Variants in MPPED1 observed in about 807,000 individuals in gnomAD.
MPPED1 encodes the protein metallophosphoesterase domain-containing protein 1.
MPPED1 carries 16 observed loss-of-function variants against 36.2 expected under a neutral mutation model. The observed-to-expected ratio is 0.44, with a 90% CI of 0.30 to 0.67. The LOEUF is 0.67. Among genes scored for constraint, MPPED1 ranks in the 30% least tolerant of loss-of-function variants. The pLI is 0.10. For synonymous variants in MPPED1, 199 were observed against 191.3 expected (o/e 1.04, Z -0.33); for missense variants, 307 against 453.4 (o/e 0.68, Z 2.93).
chr22:43,488,253 C>A (rs952593663), intron 4 of MPPED1, among the ~76,000 whole-genome samples: 6 of 151,644 alleles, frequency 4.0e-5, no homozygotes, highest in African/African-American at 1.4e-4. Flanking sequence ...CCAGGGCCCC[C>A]CAAGGCCCCA....
chr22:43,497,935 G>GTATGTA (rs1932480800), intron 4 of MPPED1, among the ~76,000 whole-genome samples: 1 of 128,364 alleles, frequency 7.8e-6, no homozygotes, highest in African/African-American at 3.5e-5. Context: ...ATATGTATAT[G>GTATGTA]TATATATATA....
At chr22:43,431,060 T>A (rs1204218142) in intron 2 of MPPED1, among the ~76,000 whole-genome samples, 13 of 90,064 alleles carry the variant, frequency 1.4e-4, no homozygotes, top group Non-Finnish European at 1.9e-4. Flanking sequence ...TTTTTTTTTT[T>A]AGACAGAGTC....
At chr22:43,458,984 T>C (rs1930851032) in intron 3 of MPPED1, among the ~76,000 whole-genome samples, 4 of 152,346 alleles carry the variant, frequency 2.6e-5, no homozygotes, top group South Asian at 2.1e-4. Context: ...GAGTTTATCA[T>C]GTTTGGAGTT....
chr22:43,499,672 G>T (rs1220901272), intron 5 of MPPED1, among the ~76,000 whole-genome samples: 6 of 74,162 alleles, frequency 8.1e-5, no homozygotes, highest in South Asian at 5.6e-4. Flanking sequence ...GCGGTGATGG[G>T]GGTGATGGTG....
intron 3 of MPPED1, among the ~76,000 whole-genome samples, chr22:43,468,271 A>G (rs2146877291): frequency 6.6e-6 from 1 of 152,312 alleles, no homozygotes; most frequent in South Asian, 2.1e-4. Flanking sequence ...GAGAATACAA[A>G]TGTGTAGCAT....
intron 3 of MPPED1, among the ~76,000 whole-genome samples, chr22:43,439,473 C>T (rs990132622): frequency 6.6e-6 from 1 of 152,268 alleles, no homozygotes; most frequent in African/African-American, 2.4e-5. Flanking sequence ...CTGGATGGAT[C>T]AGTCAGCAGT....
At chr22:43,417,945 G>A (rs934209184) in intron 1 of MPPED1, 18 of 428,432 alleles carry the variant, frequency 4.2e-5, no homozygotes, top group South Asian at 1.2e-4. Context: ...ACGCCGCAGC[G>A]GGGATGGCTG....
At chr22:43,449,422 AC>A (rs135045) in intron 3 of MPPED1, among the ~76,000 whole-genome samples, 1,585 of 127,386 alleles carry the variant, frequency 0.012, 28 homozygotes, top group African/African-American at 0.044. Context: ...GACAGTGCCA[AC>A]CCCCCCCGCC....
At chr22:43,489,420 C>A (rs1932015423) in intron 4 of MPPED1, among the ~76,000 whole-genome samples, 1 of 152,110 alleles carries the variant, frequency 6.6e-6, no homozygotes, top group African/African-American at 2.4e-5. Context: ...TAAGAAGTCC[C>A]CCTTTCCCAG....
rs1932811237 is a variant in MPPED1, at chr22:43,506,273, G to A, written c.*657G>A. The A allele has an allele frequency of 6.6e-6, 1 of 152,646 alleles. No individual in the cohort carries two copies. Among genetic ancestry groups the A allele is most frequent in the African/African-American group, 2.4e-5 (1 of 41,462 alleles). The allele number at this position is 152,646 out of a possible 1,614,324, so 9.5% of individuals were successfully genotyped here. On this transcript the variant is annotated 3_prime_UTR_variant, in exon 7 of 7. Transcript: ENST00000443721. ...CCTGAGTGTCCTAGGCATTCACTCG[G>A]AGCCTGGATGATGGGGGCTGGTTCT...
At chr22:43,425,711 C>T (rs1325797461) in intron 2 of MPPED1, among the ~76,000 whole-genome samples, 1 of 152,256 alleles carries the variant, frequency 6.6e-6, no homozygotes, top group Non-Finnish European at 1.5e-5. Context: ...GGTTAGGACA[C>T]CAGTCTTGGG....
chr22:43,477,880 C>T lies in MPPED1; in HGVS notation c.632+2919C>T, dbSNP rs372333089. Among the ~76,000 whole-genome samples, 11 of 152,306 alleles carry T rather than the reference C, an allele frequency of 7.2e-5. No individual in the cohort carries two copies. In the South Asian group the frequency reaches 1.7e-3, roughly 23 times the overall value. On this transcript the variant is annotated intron_variant, in intron 4 of 6. Coordinates refer to ENST00000443721, the MANE Select transcript of MPPED1 (RefSeq NM_001044370.2). ...TTTCTGTGTAGTGGGGAAACGACAC[C>T]GCCTGCCTTGTTGGGGGGTTGTGAG...
intron 4 of MPPED1, among the ~76,000 whole-genome samples, chr22:43,476,549 G>A (rs1931583842): frequency 6.6e-6 from 1 of 152,168 alleles, no homozygotes; most frequent in Admixed American, 6.5e-5. Context: ...TGTGGCCCTG[G>A]TTGGTGCCTC....
In MPPED1 at chr22:43,492,420, G is replaced by A. The variant is rs549651724; in HGVS notation, c.633-5815G>A. On this transcript the variant is annotated intron_variant, in intron 4 of 6. Coordinates refer to ENST00000443721, the MANE Select transcript of MPPED1 (RefSeq NM_001044370.2). ...CTGTGTGGATGTGTCTGAGGGAGAC[G>A]GTGCCCACTAATGGGATTAGCCACT... Among the ~76,000 whole-genome samples the A allele has an allele frequency of 3.9e-4, 60 of 152,164 alleles. 2 individuals are homozygous for A. The Middle Eastern group carries it at 0.014, about 35-fold the overall frequency.
At chr22:43,465,448 G>A (rs531257405) in intron 3 of MPPED1, among the ~76,000 whole-genome samples, 1 of 152,380 alleles carries the variant, frequency 6.6e-6, no homozygotes, top group South Asian at 2.1e-4. Context: ...AGGGACGACG[G>A]AACCTCATGG....
At chr22:43,452,221 T>C (rs2146855410) in intron 3 of MPPED1, among the ~76,000 whole-genome samples, 1 of 152,250 alleles carries the variant, frequency 6.6e-6, no homozygotes, top group South Asian at 2.1e-4. Context: ...TTTCACCATA[T>C]TGGCCAGGCT....
intron 4 of MPPED1, among the ~76,000 whole-genome samples, chr22:43,495,945 TGGTGGTGGA>T (rs1932314856): frequency 7.0e-6 from 1 of 143,054 alleles, no homozygotes; most frequent in African/African-American, 2.6e-5. Flanking sequence ...GTGGAGGTAG[TGGTGGTGGA>T]GGTGGTGGTG....
At chr22:43,444,822 T>TATTC (rs549310643) in intron 3 of MPPED1, among the ~76,000 whole-genome samples, 45 of 152,372 alleles carry the variant, frequency 3.0e-4, no homozygotes, top group Middle Eastern at 3.4e-3. Flanking sequence ...TGTAGTTTGT[T>TATTC]ATTCATTTGG....
At chr22:43,424,770 A>G (rs1929398982) in intron 1 of MPPED1, 138 bp from the exon 2 acceptor site, 1 of 1,193,822 alleles carries the variant, frequency 8.4e-7, no homozygotes, top group Non-Finnish European at 1.1e-6. Flanking sequence ...AAGATTTGTA[A>G]TGAGTTTTTG....
Sources: gnomAD v4.1 joint callset for allele counts (sites outside exome capture counted in the v4.1 genomes callset) on GRCh38, gnomAD v4.1.1 for gene constraint, MANE v1.5 for transcripts, NCBI Gene and HGNC (gene_info 2026-07-23, HGNC 2026-07-21) for gene names.